The following SUDS3 variants were observed in gnomAD, a reference collection of about 807,000 sequenced individuals.
SUDS3 encodes the protein sin3 histone deacetylase corepressor complex component SDS3.
In SUDS3, 23 loss-of-function variants were observed where a neutral mutation model predicts 53.5. The ratio of observed to expected loss-of-function variants is 0.43; its 90% CI spans 0.31 to 0.61. SUDS3 has a LOEUF of 0.61. SUDS3 is among the 20% of genes least tolerant of loss of function. The pLI is 0.10. For missense variants in SUDS3, 291 were observed against 405.9 expected (o/e 0.72, Z 2.43); for synonymous variants, 150 against 148.5 (o/e 1.01, Z -0.08).
chr12:118,395,243 T>TA (rs1376761974), intron 6 of SUDS3, among the ~76,000 whole-genome samples: 7 of 105,036 alleles, frequency 6.7e-5, no homozygotes, highest in Middle Eastern at 5.2e-3. Context: ...TTTTTTTTTT[T>TA]AAGACGGAGT....
chr12:118,408,347 T>A (rs1277885426), intron 10 of SUDS3, among the ~76,000 whole-genome samples: 1 of 150,172 alleles, frequency 6.7e-6, no homozygotes, highest in Non-Finnish European at 1.5e-5. Flanking sequence ...TTTTTTTTTT[T>A]TTTTGAGACA....
At chr12:118,389,074 A>C (rs1357475265) in intron 4 of SUDS3, among the ~76,000 whole-genome samples, 1 of 152,034 alleles carries the variant, frequency 6.6e-6, no homozygotes. Flanking sequence ...GCTTGAACCC[A>C]GGAGGTGGAA....
chr12:118,407,686 G>A (rs1282600557), intron 10 of SUDS3, among the ~76,000 whole-genome samples: 2 of 151,378 alleles, frequency 1.3e-5, no homozygotes, highest in Non-Finnish European at 2.9e-5. Flanking sequence ...ATGATACATG[G>A]ATACACATGT....
At chr12:118,388,547 A>G (rs2046135218) in intron 4 of SUDS3, among the ~76,000 whole-genome samples, 1 of 152,190 alleles carries the variant, frequency 6.6e-6, no homozygotes, top group African/African-American at 2.4e-5. Context: ...CTGCTAGGTA[A>G]CAGTTACTAA....
chr12:118,401,734 C>G, intron 7 of SUDS3, 25 bp from the exon 8 acceptor site: 1 of 1,596,140 alleles, frequency 6.3e-7, no homozygotes, highest in South Asian at 1.1e-5. Flanking sequence ...GTACTTTTCA[C>G]ATACAGTCCT....
intron 6 of SUDS3, among the ~76,000 whole-genome samples, chr12:118,396,859 C>T (rs2046220084): frequency 6.6e-6 from 1 of 152,076 alleles, no homozygotes; most frequent in African/African-American, 2.4e-5. Context: ...ACCTGAGCTC[C>T]CATTTTTTAG....
rs1319313511 is a variant in SUDS3, at chr12:118,409,298, C to G, written c.804-1775C>G. 2.6e-5 allele frequency among the ~76,000 whole-genome samples: 4 copies of G among 152,208 alleles called. No individual in the cohort carries two copies. The East Asian group carries it at 7.7e-4, about 29-fold the overall frequency. On this transcript the variant is annotated intron_variant, in intron 10 of 11. Transcript: ENST00000543473. ...AGTAGCTGGGATTACAGGAGCCTGC[C>G]ACCACTCCCGGCTAATTTTTGTGTT...
intron 6 of SUDS3, among the ~76,000 whole-genome samples, chr12:118,395,817 G>A (rs1244536662): frequency 1.3e-5 from 2 of 151,754 alleles, no homozygotes; most frequent in Non-Finnish European, 2.9e-5. Context: ...TCAGCCTCCC[G>A]AGTAGCTGGG....
chr12:118,416,729 G>C lies in SUDS3; in HGVS notation c.*2296G>C, dbSNP rs1264838403. ...AGGAACAGAAGCAGCCTTCCTGTTA[G>C]TAGATGGGGGTACTTCTGTGGTGGG... is the stretch of plus-strand genomic sequence containing the variant. On this transcript the variant is annotated 3_prime_UTR_variant, in exon 12 of 12. Transcript: ENST00000543473. 6.6e-6 allele frequency: 1 copy of C among 152,222 alleles called. No individual in the cohort carries two copies. The highest frequency in any genetic ancestry group is 2.4e-5 in the African/African-American group (1 of 41,454). 9.4% of individuals were successfully genotyped at this position (152,222 alleles called of 1,614,324 possible). A position where few individuals can be genotyped will look rare whatever the true frequency, so the allele number is the denominator to read the frequency against.
intron 10 of SUDS3, among the ~76,000 whole-genome samples, 166 bp downstream of exon 10, chr12:118,403,683 C>A (rs924889483): frequency 6.6e-6 from 1 of 152,134 alleles, no homozygotes; most frequent in African/African-American, 2.4e-5. Context: ...ATCAATACTT[C>A]CGGTGGATCT....
chr12:118,385,861 G>T (rs1219427272), intron 3 of SUDS3, among the ~76,000 whole-genome samples: 1 of 152,154 alleles, frequency 6.6e-6, no homozygotes, highest in Non-Finnish European at 1.5e-5. Flanking sequence ...ATAGTGTGGA[G>T]ATATTGGCAA....
At position 118,409,435 on chromosome 12, in the gene SUDS3, A is replaced by G. The variant is rs187830356; in HGVS notation, c.804-1638A>G. On this transcript the variant is annotated intron_variant, in intron 10 of 11. Coordinates refer to ENST00000543473, the MANE Select transcript of SUDS3 (RefSeq NM_022491.3). ...GCTGGGATTACAGGCGTGAGCCACC[A>G]CGCCCGGCCTAAAATTCTGTTTCTT... 3.0e-4 allele frequency among the ~76,000 whole-genome samples: 45 copies of G among 152,288 alleles called. No homozygotes were observed. The South Asian group carries it at 3.5e-3, about 12-fold the overall frequency.
intron 2 of SUDS3, among the ~76,000 whole-genome samples, chr12:118,383,751 G>A (rs1028225625): frequency 6.6e-6 from 1 of 152,118 alleles, no homozygotes; most frequent in African/African-American, 2.4e-5. Context: ...AGTTTTAGAC[G>A]GATTCTGTAA....
intron 7 of SUDS3, 135 bp downstream of exon 7, chr12:118,400,889 A>C (rs142320477): frequency 0.014 from 11,250 of 832,300 alleles, 126 homozygotes; most frequent in Non-Finnish European, 0.016. Context: ...CGTGTGTTAA[A>C]TGTTTGTCCA....
intron 4 of SUDS3, 108 bp from the exon 5 acceptor site, chr12:118,389,819 G>C (rs751133497): frequency 7.5e-6 from 10 of 1,340,596 alleles, no homozygotes; most frequent in Non-Finnish European, 1.1e-5. Flanking sequence ...CATTTGCTTT[G>C]TAACATGCTT....
chr12:118,377,874 G>C (rs2046016097), intron 1 of SUDS3, among the ~76,000 whole-genome samples: 2 of 152,180 alleles, frequency 1.3e-5, no homozygotes, highest in Non-Finnish European at 2.9e-5. Flanking sequence ...TAATGTGGCT[G>C]ACCATGACAG....
chr12:118,414,310 T>A, intron 11 of SUDS3, 25 bp from the exon 12 acceptor site: 1 of 1,546,414 alleles, frequency 6.5e-7, no homozygotes, highest in Non-Finnish European at 8.8e-7. Flanking sequence ...ACTTTTCATC[T>A]TGTTCCCTTT....
chr12:118,380,306 C>A, intron 2 of SUDS3, 75 bp downstream of exon 2: 1 of 1,331,708 alleles, frequency 7.5e-7, no homozygotes, highest in Non-Finnish European at 1.0e-6. Flanking sequence ...CATCCCAAAT[C>A]TGAAATCTCA....
chr12:118,381,991 A>T (rs891088955), intron 2 of SUDS3, among the ~76,000 whole-genome samples: 2 of 151,708 alleles, frequency 1.3e-5, no homozygotes, highest in African/African-American at 4.8e-5. Flanking sequence ...GTGCTTTGGA[A>T]CTCAAAGGGG....
Sources: allele counts gnomAD v4.1 joint callset (sites outside exome capture counted in the v4.1 genomes callset), GRCh38; gene constraint gnomAD v4.1.1; transcripts MANE v1.5; gene names NCBI Gene and HGNC (gene_info 2026-07-23, HGNC 2026-07-21).